CFAP47: variants seen among roughly 807,000 people sequenced by gnomAD.
The protein encoded by CFAP47 is cilia- and flagella-associated protein 47.
In CFAP47, 29 loss-of-function variants were observed where a neutral mutation model predicts 148.1. The ratio of observed to expected loss-of-function variants is 0.20; its 90% CI spans 0.15 to 0.27. The LOEUF is 0.27. Among genes scored for constraint, CFAP47 ranks in the 10% least tolerant of loss-of-function variants. CFAP47 has a pLI of 1.00. For synonymous variants in CFAP47, 664 were observed against 577.3 expected (o/e 1.15, Z -2.15); for missense variants, 1,872 against 1,697.5 (o/e 1.10, Z -1.81).
Position 36,382,990 on chromosome X carries a change from T to C in CFAP47, c.9355-1807T>C, listed in dbSNP as rs181609120. On this transcript the variant is annotated intron_variant, in intron 63 of 63. Transcript: ENST00000378653. ...ATACATGGATAGTTGCTTTTATTTA[T>C]GGTTAAACTGAAGAAATTTAGCTAT... 5.4e-5 allele frequency among the ~76,000 whole-genome samples: 6 copies of C among 111,309 alleles called. No individual in the cohort carries two copies. In the East Asian group the frequency reaches 1.7e-3, roughly 31 times the overall value.
intron 46 of CFAP47, 104 bp from the exon 47 acceptor site, chrX:36,235,830 A>G (rs781813346): frequency 7.3e-5 from 26 of 356,700 alleles, no homozygotes; most frequent in Non-Finnish European, 1.1e-4. Context: ...AAATACAATT[A>G]AAAATACAAT....
At chrX:36,140,582 A>C (rs1382175724) in intron 35 of CFAP47, among the ~76,000 whole-genome samples, 3 of 111,654 alleles carry the variant, frequency 2.7e-5, no homozygotes, top group East Asian at 5.6e-4. Flanking sequence ...CTAACTCTTT[A>C]TTAGCCCAGA....
intron 23 of CFAP47, among the ~76,000 whole-genome samples, chrX:36,033,363 CAAAAAT>C (rs958857168): frequency 2.7e-5 from 3 of 110,921 alleles, no homozygotes; most frequent in Non-Finnish European, 5.7e-5. Flanking sequence ...ATCATTTTGA[CAAAAAT>C]ATAAAGAAAA....
intron 1 of CFAP47, among the ~76,000 whole-genome samples, chrX:35,923,274 A>G (rs1408147619): frequency 9.0e-6 from 1 of 111,427 alleles, no homozygotes; most frequent in Non-Finnish European, 1.9e-5. Flanking sequence ...TCCCTCATCT[A>G]TATACTGAGA....
rs1402059653 is a variant in CFAP47, at chrX:36,319,250, G to C, written c.8386G>C (p.Asp2796His). ...PRNLVMDHCWDSFIYESSAFR... is the reference protein window; with the variant it reads ...PRNLVMDHCWHSFIYESSAFR... ...GAATCTTGTCATGGATCATTGCTGGGATAGCTTCATCTATGAGAGTTCTGC... is the reference window on the plus strand; with the variant it reads ...GAATCTTGTCATGGATCATTGCTGGCATAGCTTCATCTATGAGAGTTCTGC... The change falls in exon 57 of 64, where the codon GAT (aspartate) becomes CAT (histidine). Residue 2796 changes from aspartate to histidine, a missense_variant. Transcript: ENST00000378653. 8.8e-7 allele frequency: 1 copy of C among 1,130,914 alleles called. No homozygotes were observed. The highest frequency in any genetic ancestry group is 1.9e-5 in the African/African-American group (1 of 54,016). The allele number at this position is 1,130,914 out of a possible 1,213,427, so 93.2% of individuals were successfully genotyped here.
chrX:36,177,127 T>A (rs758508366), intron 39 of CFAP47, among the ~76,000 whole-genome samples: 1 of 111,957 alleles, frequency 8.9e-6, no homozygotes, highest in East Asian at 2.8e-4. Flanking sequence ...GTAGGATTAT[T>A]TTTTTCTTTT....
rs766620282 is a variant in CFAP47 at position 36,080,590 on chromosome X, C to T, written c.4692-4724C>T. On this transcript the variant is annotated intron_variant, in intron 29 of 63. Transcript: ENST00000378653. ...TGTGGCACATATACACCATGGAATA[C>T]TATGAAGCCACAAAAAAGGATGAGT... 6.3e-5 allele frequency among the ~76,000 whole-genome samples: 7 copies of T among 111,844 alleles called. No individual in the cohort carries two copies. In the East Asian group the frequency reaches 2.0e-3, roughly 32 times the overall value.
intron 61 of CFAP47, among the ~76,000 whole-genome samples, chrX:36,364,828 C>T (rs1462673545): frequency 4.0e-5 from 4 of 99,977 alleles, no homozygotes; most frequent in East Asian, 3.1e-4. Flanking sequence ...TTTAGGAAAA[C>T]GTGTGTACAT....
intron 4 of CFAP47, 143 bp from the exon 5 acceptor site, chrX:35,950,988 A>T: frequency 2.2e-6 from 1 of 454,962 alleles, no homozygotes; most frequent in East Asian, 3.7e-5. Context: ...ATGTACGTGA[A>T]AGGAACTACT....
intron 15 of CFAP47, among the ~76,000 whole-genome samples, chrX:35,980,161 G>A (rs1936622827): frequency 8.9e-6 from 1 of 111,991 alleles, no homozygotes; most frequent in Non-Finnish European, 1.9e-5. Flanking sequence ...CTGAGGCCCA[G>A]TGTTCTCCTG....
At chrX:36,145,037 C>A (rs1254900004) in intron 35 of CFAP47, 182 bp from the exon 36 acceptor site, 9 of 391,207 alleles carry the variant, frequency 2.3e-5, no homozygotes, top group Non-Finnish European at 3.5e-5. Flanking sequence ...ATTGTTCAGC[C>A]AATTCTTCCT....
chrX:36,115,701 G>A (rs982002158), intron 33 of CFAP47, among the ~76,000 whole-genome samples: 1 of 111,299 alleles, frequency 9.0e-6, no homozygotes, highest in Admixed American at 9.6e-5. Flanking sequence ...TTTAAAAGCT[G>A]ATATTTAAAC....
intron 8 of CFAP47, among the ~76,000 whole-genome samples, chrX:35,962,335 G>T (rs1229257572): frequency 9.0e-6 from 1 of 111,134 alleles, no homozygotes; most frequent in Admixed American, 9.6e-5. Context: ...TATATTTTGG[G>T]TCTAATTGGC....
At position 36,336,244 on chromosome X, in the gene CFAP47, GACACACACACACACACAC is replaced by G. The variant is rs781925226; in HGVS notation, c.8444-11846_8444-11829del. On this transcript the variant is annotated intron_variant, in intron 57 of 63. Transcript: ENST00000378653. The stretch of plus-strand genomic sequence containing the variant: ...TCTCTCTCTCTGTCACAGACACACA[GACACACACACACACACAC>G]ACACACACACACACACACACACACA... Among the ~76,000 whole-genome samples the G allele has an allele frequency of 2.2e-3, 146 of 65,710 alleles. 1 individual carries two copies. Among genetic ancestry groups the G allele is most frequent in the African/African-American group, 5.7e-3 (102 of 17,745 alleles). The allele number at this position is 65,710 out of a possible 115,157, so 57.1% of individuals were successfully genotyped here.
At chrX:36,102,901 G>A (rs1406670713) in intron 32 of CFAP47, among the ~76,000 whole-genome samples, 1 of 111,725 alleles carries the variant, frequency 9.0e-6, no homozygotes, top group Non-Finnish European at 1.9e-5. Context: ...CTAAAATGGT[G>A]CAATTCACAT....
chrX:36,148,761 A>T (rs181361494), intron 36 of CFAP47, among the ~76,000 whole-genome samples: 2 of 111,928 alleles, frequency 1.8e-5, no homozygotes, highest in African/African-American at 6.5e-5. Flanking sequence ...AAAATTCCCC[A>T]GTGGTTTTCC....
chrX:36,353,621 C>A lies in CFAP47; in HGVS notation c.8791C>A (p.Leu2931Met), dbSNP rs1375643122. 7 of 1,161,029 alleles carry A rather than the reference C, an allele frequency of 6.0e-6. No individual in the cohort carries two copies. Among genetic ancestry groups the A allele is most frequent in the Non-Finnish European group, 8.1e-6 (7 of 868,919 alleles). Residue 2931 changes from leucine (L) to methionine (M), a missense_variant, in exon 60 of 64, where the codon CTG becomes ATG. By Grantham distance (15) the Leu-to-Met change is conservative. Transcript: ENST00000378653. ...GFFGFSLTPD[L>M]TEVLVIPKRN... is the part of the protein sequence containing the mutation. ...TTTCGGATTTAGTCTTACTCCAGAT[C>A]TGACAGAAGTTTTAGTGATTCCAAA...
At chrX:36,239,895 T>A (rs1362496803) in intron 48 of CFAP47, among the ~76,000 whole-genome samples, 6 of 111,874 alleles carry the variant, frequency 5.4e-5, no homozygotes, top group Admixed American at 9.5e-5. Flanking sequence ...ACTTGAGTAC[T>A]TAAAGTATAC....
At chrX:36,371,567 A>G (rs1941935594) in intron 62 of CFAP47, among the ~76,000 whole-genome samples, 1 of 99,719 alleles carries the variant, frequency 1.0e-5, no homozygotes, top group African/African-American at 3.6e-5. Context: ...ATGTGTATAT[A>G]TATGTGTGTA....
Sources: allele counts gnomAD v4.1 joint callset (sites outside exome capture counted in the v4.1 genomes callset), GRCh38; gene constraint gnomAD v4.1.1; transcripts MANE v1.5; gene names NCBI Gene and HGNC (gene_info 2026-07-23, HGNC 2026-07-21).